IFIH1: variants seen among roughly 807,000 people sequenced by gnomAD.
IFIH1 encodes the protein interferon-induced helicase C domain-containing protein 1.
Under a neutral mutation model 107.4 loss-of-function variants are expected in IFIH1, and 125 were observed. The observed-to-expected ratio is 1.16, with a 90% CI of 1.01 to 1.35. The LOEUF (loss-of-function observed/expected upper bound fraction) is 1.35. Ranked by LOEUF, IFIH1 falls within the 40% of genes most tolerant of loss-of-function variation. The pLI is 0.00. For missense variants in IFIH1, 1,333 were observed against 1,213.7 expected, an observed-to-expected ratio of 1.10 and a Z score of -1.46; for synonymous variants, 458 against 413.2, an observed-to-expected ratio of 1.11 and a Z score of -1.31.
At chr2:162,278,395 A>G (rs1682744800) in intron 8 of IFIH1, 67 bp from the exon 9 acceptor site, 1 of 849,942 alleles carries the variant, frequency 1.2e-6, no homozygotes, top group African/African-American at 1.8e-5. Context: ...TATCTTTGTT[A>G]GAATAATTTC....
chr2:162,268,788 C>T (rs915632469), intron 13 of IFIH1, among the ~76,000 whole-genome samples: 1 of 152,036 alleles, frequency 6.6e-6, no homozygotes, highest in South Asian at 2.1e-4. Flanking sequence ...TGGAGTTTTG[C>T]CATGTTGCCC....
At chr2:162,283,902 A>G (rs150665079) in intron 5 of IFIH1, among the ~76,000 whole-genome samples, 1 of 152,028 alleles carries the variant, frequency 6.6e-6, no homozygotes, top group Non-Finnish European at 1.5e-5. Flanking sequence ...ATCAGTAATC[A>G]AGTTGGTGAG....
intron 8 of IFIH1, 127 bp downstream of exon 8, chr2:162,279,869 A>C: frequency 1.5e-6 from 1 of 670,236 alleles, no homozygotes; most frequent in East Asian, 2.7e-5. Context: ...ATTAAAAAAA[A>C]ACCTGAAACT....
chr2:162,314,368 T>G (rs868297583), intron 1 of IFIH1, among the ~76,000 whole-genome samples: 1 of 88,616 alleles, frequency 1.1e-5, no homozygotes, highest in East Asian at 2.8e-4. Context: ...TCTTCCTTCC[T>G]TCCCTCCCTC....
rs753216541 is a variant in IFIH1, at chr2:162,281,403, C to A, written c.1449G>T (p.Gln483His). Residue 483 changes from glutamine (Q) to histidine (H), a missense_variant, in exon 7 of 16, where the codon CAG becomes CAT. By Grantham distance (24) the Gln-to-His change is conservative (BLOSUM62 0). Transcript: ENST00000649979. ...CAGGTGAAGCTGTTAGTCCCAGTATCTGAGGAAGGGGAATCACTGGTTTGT... is the reference window on the plus strand; with the variant it reads ...CAGGTGAAGCTGTTAGTCCCAGTATATGAGGAAGGGGAATCACTGGTTTGT... ...KENKPVIPLPQILGLTASPGV... is the reference protein window; with the variant it reads ...KENKPVIPLPHILGLTASPGV... The A allele has an allele frequency of 6.2e-7, 1 of 1,612,846 alleles. No individual in the cohort carries two copies. The highest frequency in any genetic ancestry group is 1.1e-5 in the South Asian group (1 of 91,054).
chr2:162,309,505 G>A (rs918028406), intron 2 of IFIH1, among the ~76,000 whole-genome samples: 1 of 152,128 alleles, frequency 6.6e-6, no homozygotes, highest in Non-Finnish European at 1.5e-5. Context: ...TGGTTCTGTA[G>A]AATCCAGAAA....
In IFIH1 at chr2:162,318,074, T is replaced by C; in HGVS notation, c.234A>G (p.Glu78=). The C allele has an allele frequency of 6.2e-7, 1 of 1,614,108 alleles. No individual in the cohort carries two copies. Among genetic ancestry groups the C allele is most frequent in the Non-Finnish European group, 8.5e-7 (1 of 1,180,014 alleles). ...CGGTTCTCCGGAGGGCCTCCACGAA[T>C]TCCCGAGTCCAACCAAGGTGCCAGA... ...KGVWHLGWTR[E]FVEALRRTGS... is the part of the protein sequence containing the mutation. The change falls in exon 1 of 16, where the codon GAA becomes GAG. Residue 78 remains glutamate, a synonymous_variant. Coordinates refer to ENST00000649979, the MANE Select transcript of IFIH1 (RefSeq NM_022168.4).
At chr2:162,292,406 GACATTTGGTGAATTGGGTTTCCTCA>G (rs1683009983) in intron 4 of IFIH1, among the ~76,000 whole-genome samples, 1 of 151,824 alleles carries the variant, frequency 6.6e-6, no homozygotes, top group Admixed American at 6.6e-5. Context: ...AGTTGTGAAT[GACATTTGGTGAATTGGGTTTCCTCA>G]AACTAATTTG....
At chr2:162,298,823 T>C (rs1000756038) in intron 3 of IFIH1, among the ~76,000 whole-genome samples, 1 of 151,700 alleles carries the variant, frequency 6.6e-6, no homozygotes, top group African/African-American at 2.4e-5. Context: ...CACATTTTGG[T>C]CTGTCAGATT....
Position 162,282,571 on chromosome 2 carries a change from C to G in IFIH1, c.1101G>C (p.Leu367=), listed in dbSNP as rs180798633. The change falls in exon 6 of 16, where the codon CTG becomes CTC. Residue 367 remains leucine (L), a synonymous_variant. Transcript: ENST00000649979. Reference sequence around the variant, plus strand: ...CCTTGCGGAAGAGCTGTTCAACTAGCAGTACCTTAAAAAAATGTGAAGATT... The same window carrying G: ...CCTTGCGGAAGAGCTGTTCAACTAGGAGTACCTTAAAAAAATGTGAAGATT... ...GKVIVLVNKV[L]LVEQLFRKEF... is the part of the protein sequence containing the mutation. The G allele has an allele frequency of 8.8e-6, 14 of 1,599,220 alleles. No homozygotes were observed. Among genetic ancestry groups the G allele is most frequent in the Middle Eastern group, 1.7e-4 (1 of 5,928 alleles).
intron 2 of IFIH1, 89 bp downstream of exon 2, chr2:162,310,676 T>C (rs1392531429): frequency 9.7e-7 from 1 of 1,032,780 alleles, no homozygotes; most frequent in South Asian, 1.4e-5. Context: ...CTAAAAATCT[T>C]GGTGTTTAGC....
In IFIH1 at chr2:162,277,439, T is replaced by A; in HGVS notation, c.2020A>T (p.Arg674Ter). ...KKPLKLDETD[R>*]FLMTLFFENN... ...CCAAAAAATAAAGTCATGAGAAATC[T>A]ATCTGTTTCATCCAGTTTCAAAGGT... The change falls in exon 10 of 16, where the codon AGA becomes TGA. Residue 674 changes from arginine (R) to a stop codon, truncating the protein, a stop_gained. Transcript: ENST00000649979. LOFTEE classifies it high-confidence loss of function. 6.2e-7 allele frequency: 1 copy of A among 1,608,710 alleles called. No individual in the cohort carries two copies. Among genetic ancestry groups the A allele is most frequent in the Non-Finnish European group, 8.5e-7 (1 of 1,176,630 alleles).
chr2:162,285,997 A>G (rs959336217), intron 5 of IFIH1, among the ~76,000 whole-genome samples: 4 of 152,022 alleles, frequency 2.6e-5, no homozygotes, highest in African/African-American at 9.7e-5. Context: ...AAATGCGGTC[A>G]TAAGCTGGGT....
At chr2:162,278,677 A>G (rs566702802) in intron 8 of IFIH1, among the ~76,000 whole-genome samples, 2 of 152,296 alleles carry the variant, frequency 1.3e-5, no homozygotes, top group South Asian at 4.1e-4. Flanking sequence ...TTACAGTGTA[A>G]TTTAAGAAAC....
At chr2:162,297,438 G>A (rs1395226624) in intron 3 of IFIH1, among the ~76,000 whole-genome samples, 1 of 152,060 alleles carries the variant, frequency 6.6e-6, no homozygotes, top group African/African-American at 2.4e-5. Context: ...TCTCCAGATC[G>A]AACGTAGCCA....
At position 162,282,476 on chromosome 2, in the gene IFIH1, G is replaced by C. The variant is rs772585139; in HGVS notation, c.1196C>G (p.Ser399Ter). 1 of 1,609,296 alleles carries C rather than the reference G, an allele frequency of 6.2e-7. No individual in the cohort carries two copies. Among genetic ancestry groups the C allele is most frequent in the East Asian group, 2.2e-5 (1 of 44,780 alleles). Residue 399 changes from serine (S) to a stop codon, truncating the protein, a stop_gained, in exon 6 of 16, where the codon TCA becomes TGA. Coordinates refer to ENST00000649979, the MANE Select transcript of IFIH1 (RefSeq NM_022168.4). LOFTEE classifies it high-confidence loss of function. ...GLSGDTQLKI[S>*]FPEVVKSCDI... ...ACAGGACTTGACAACTTCTGGAAAT[G>C]ATATTTTCAGTTGGGTATCACCACT...
chr2:162,282,212 T>A (rs1194375055), intron 6 of IFIH1, among the ~76,000 whole-genome samples, 154 bp downstream of exon 6: 1 of 151,960 alleles, frequency 6.6e-6, no homozygotes, highest in Non-Finnish European at 1.5e-5. Flanking sequence ...AACTTACTTT[T>A]TTTGTTTCCT....
chr2:162,275,213 G>A (rs949994862), intron 11 of IFIH1, among the ~76,000 whole-genome samples: 1 of 152,166 alleles, frequency 6.6e-6, no homozygotes, highest in South Asian at 2.1e-4. Context: ...AATATGTTCT[G>A]TATTTTGGCA....
At chr2:162,281,639 C>T (rs1682812458) in intron 6 of IFIH1, 94 bp from the exon 7 acceptor site, 1 of 873,224 alleles carries the variant, frequency 1.1e-6, no homozygotes, top group Non-Finnish European at 1.8e-6. Flanking sequence ...CTTGGGGATG[C>T]CTTCTCTTGG....
Sources: gnomAD v4.1 joint callset for allele counts (sites outside exome capture counted in the v4.1 genomes callset) on GRCh38, gnomAD v4.1.1 for gene constraint, MANE v1.5 for transcripts, NCBI Gene and HGNC (gene_info 2026-07-23, HGNC 2026-07-21) for gene names.